Variants in RUBCNL observed in about 807,000 individuals in gnomAD.
The protein encoded by RUBCNL is protein associated with UVRAG as autophagy enhancer.
A neutral mutation model predicts 69.5 loss-of-function variants in RUBCNL; 62 were observed. The ratio of observed to expected loss-of-function variants is 0.89; its 90% CI spans 0.73 to 1.10. The LOEUF is 1.10. RUBCNL is among the 50% of genes least tolerant of loss of function. RUBCNL has a pLI of 0.00. For synonymous variants in RUBCNL, 291 were observed against 303.6 expected (o/e 0.96, Z 0.43); for missense variants, 768 against 798.1 (o/e 0.96, Z 0.45).
intron 3 of RUBCNL, among the ~76,000 whole-genome samples, chr13:46,369,993 A>T (rs1213181088): frequency 6.6e-6 from 1 of 152,242 alleles, no homozygotes; most frequent in African/African-American, 2.4e-5. Flanking sequence ...ATCTGTTTCA[A>T]CCACTCTCTT....
intron 3 of RUBCNL, 140 bp downstream of exon 3, chr13:46,371,801 C>A: frequency 1.2e-6 from 1 of 816,246 alleles, no homozygotes; most frequent in Non-Finnish European, 1.9e-6. Context: ...CTGTTGTGAC[C>A]GCCCAGATGG....
At chr13:46,380,606 G>A (rs540297389) in intron 1 of RUBCNL, among the ~76,000 whole-genome samples, 163 of 152,080 alleles carry the variant, frequency 1.1e-3, no homozygotes, top group African/African-American at 3.8e-3. Context: ...GACCTACATA[G>A]GTATATTTGA....
At chr13:46,346,465 C>T (rs1002090932) in intron 12 of RUBCNL, among the ~76,000 whole-genome samples, 3 of 152,170 alleles carry the variant, frequency 2.0e-5, no homozygotes, top group Non-Finnish European at 2.9e-5. Context: ...TCCCCCGACA[C>T]GTGTCTAACA....
At chr13:46,386,501 A>G (rs1402452154) in intron 1 of RUBCNL, among the ~76,000 whole-genome samples, 1 of 144,420 alleles carries the variant, frequency 6.9e-6, no homozygotes, top group Admixed American at 7.2e-5. Flanking sequence ...GACAGCATCA[A>G]GTTCGCAGGG....
At chr13:46,385,398 T>C (rs1425690328) in intron 1 of RUBCNL, 1 of 293,080 alleles carries the variant, frequency 3.4e-6, no homozygotes, top group Non-Finnish European at 5.1e-6. Flanking sequence ...TTATAGTCTC[T>C]GGAAGGCTGG....
Position 46,341,516 on chromosome 13 carries a change from G to C in RUBCNL, c.*1869C>G, listed in dbSNP as rs1428810020. ...TCTTCCTCAAAATAGAAAATCAAAA[G>C]CATCACTTCCTGGCAACTGCTGTGC... On this transcript the variant is annotated 3_prime_UTR_variant, in exon 15 of 15. Coordinates refer to ENST00000429979, the MANE Select transcript of RUBCNL (RefSeq NM_025113.5). Among the ~76,000 whole-genome samples, 1 of 152,132 alleles carries C rather than the reference G, an allele frequency of 6.6e-6. No individual in the cohort carries two copies. The highest frequency in any genetic ancestry group is 1.9e-4 in the East Asian group (1 of 5,196).
upstream of RUBCNL, chr13:46,387,671 A>C: frequency 7.1e-6 from 7 of 985,654 alleles, no homozygotes; most frequent in Non-Finnish European, 8.4e-6. Flanking sequence ...TCGACCTGCA[A>C]CTTACCCGGA....
chr13:46,388,292 A>C, upstream of RUBCNL, among the ~76,000 whole-genome samples: 1 of 119,594 alleles, frequency 8.4e-6, no homozygotes, highest in Non-Finnish European at 1.7e-5. Context: ...AACCCAAGGG[A>C]GGGAGGGAGG....
At position 46,340,839 on chromosome 13, in the gene RUBCNL, G is replaced by A. The variant is rs2048137102; in HGVS notation, c.*2546C>T. On this transcript the variant is annotated 3_prime_UTR_variant, in exon 15 of 15. Transcript: ENST00000429979. ...AGAACTCACTCATCACCACAAAGGTGCCACCAAGCTATTCTTGAGGGATCC... is the reference window on the plus strand; with the variant it reads ...AGAACTCACTCATCACCACAAAGGTACCACCAAGCTATTCTTGAGGGATCC... Among the ~76,000 whole-genome samples the A allele has an allele frequency of 6.6e-6, 1 of 152,156 alleles. No individual in the cohort carries two copies. The highest frequency in any genetic ancestry group is 6.6e-5 in the Admixed American group (1 of 15,266).
At chr13:46,353,933 G>A (rs1046457688) in intron 10 of RUBCNL, among the ~76,000 whole-genome samples, 1 of 152,146 alleles carries the variant, frequency 6.6e-6, no homozygotes, top group Non-Finnish European at 1.5e-5. Flanking sequence ...GTGGACTAGT[G>A]CTACCATACT....
intron 2 of RUBCNL, among the ~76,000 whole-genome samples, chr13:46,373,422 C>T (rs996940740): frequency 6.6e-6 from 1 of 152,160 alleles, no homozygotes; most frequent in Admixed American, 6.5e-5. Flanking sequence ...ATATCAGTAT[C>T]AATGTATTCT....
chr13:46,336,256 CCATCAT>C lies in RUBCNL; in HGVS notation c.*7123_*7128del, dbSNP rs1479113922. 6.6e-6 allele frequency among the ~76,000 whole-genome samples: 1 copy of C among 152,146 alleles called. No individual in the cohort carries two copies. The highest frequency in any genetic ancestry group is 2.4e-5 in the African/African-American group (1 of 41,426). On this transcript the variant is annotated 3_prime_UTR_variant, in exon 15 of 15. Coordinates refer to ENST00000429979, the MANE Select transcript of RUBCNL (RefSeq NM_025113.5). ...GAGCTTTGGGTACCAGGCAGCACCT[CCATCAT>C]CAGACTCTACGAAGATGGAGTTTCA...
At chr13:46,360,344 TAAATA>T (rs975050560) in intron 8 of RUBCNL, among the ~76,000 whole-genome samples, 30 of 152,164 alleles carry the variant, frequency 2.0e-4, no homozygotes, top group African/African-American at 2.2e-4. Context: ...TCTTAAAAAA[TAAATA>T]AAATAAAATA....
Position 46,368,726 on chromosome 13 carries a change from C to G in RUBCNL, c.618+7G>C. ...CTATGGTTAAAAAGAAAGAAGATAG[C>G]ATTCACCTTTTCTACATCAACAGGC... On this transcript the variant is annotated splice_region_variant and intron_variant, in intron 4 of 14. Transcript: ENST00000429979. 6.2e-7 allele frequency: 1 copy of G among 1,607,180 alleles called. No homozygotes were observed. Among genetic ancestry groups the G allele is most frequent in the African/African-American group, 1.3e-5 (1 of 74,826 alleles).
intron 14 of RUBCNL, among the ~76,000 whole-genome samples, chr13:46,344,333 T>TCTGGGTCTTTAC (rs2048196960): frequency 2.6e-5 from 4 of 152,168 alleles, no homozygotes; most frequent in African/African-American, 9.7e-5. Context: ...AAGAGCCAGA[T>TCTGGGTCTTTAC]AGCAAATGTT....
Position 46,342,644 on chromosome 13 carries a change from T to A in RUBCNL, c.*741A>T, listed in dbSNP as rs373134725. Reference sequence around the variant, plus strand: ...CAGTTTTACATCTGTTAAAGCAAGATCCTCAAGGGCAGGGATGGAATTCTA... The same window carrying A: ...CAGTTTTACATCTGTTAAAGCAAGAACCTCAAGGGCAGGGATGGAATTCTA... On this transcript the variant is annotated 3_prime_UTR_variant, in exon 15 of 15. Coordinates refer to ENST00000429979, the MANE Select transcript of RUBCNL (RefSeq NM_025113.5). 6.6e-6 allele frequency: 1 copy of A among 152,300 alleles called. No individual in the cohort carries two copies. The highest frequency in any genetic ancestry group is 2.4e-5 in the African/African-American group (1 of 41,550). 9.4% of individuals were successfully genotyped at this position (152,300 alleles called of 1,614,324 possible).
rs372520850 is a variant in RUBCNL at position 46,372,207 on chromosome 13, G to C, written c.269C>G (p.Pro90Arg). Residue 90 changes from proline to arginine, a missense_variant, in exon 3 of 15, where the codon CCT becomes CGT. Physicochemically the swap from Pro to Arg is moderately radical, Grantham distance 103. Coordinates refer to ENST00000429979, the MANE Select transcript of RUBCNL (RefSeq NM_025113.5). The part of the protein sequence containing the change: ...FVTDAASPSG[P>R]SPSCLGDSLA... ...GGAGTCCCCGAGGCACGAAGGTGAA[G>C]GGCCTGAGGGAGAGGCAGCATCTGT... The C allele has an allele frequency of 2.7e-5, 43 of 1,613,916 alleles. No homozygotes were observed. The highest frequency in any genetic ancestry group is 3.4e-5 in the Non-Finnish European group (40 of 1,179,896).
chr13:46,345,893 T>C (rs1430169031), intron 12 of RUBCNL, among the ~76,000 whole-genome samples: 1 of 152,148 alleles, frequency 6.6e-6, no homozygotes, highest in African/African-American at 2.4e-5. Context: ...AAAAGAAAAC[T>C]GAGCATTAGT....
chr13:46,355,567 G>A (rs2048466993), intron 10 of RUBCNL, among the ~76,000 whole-genome samples: 1 of 152,160 alleles, frequency 6.6e-6, no homozygotes, highest in Non-Finnish European at 1.5e-5. Flanking sequence ...CAAAGTGCTG[G>A]GATTACAGGT....
Sources: gnomAD v4.1 joint callset for allele counts (sites outside exome capture counted in the v4.1 genomes callset) on GRCh38, gnomAD v4.1.1 for gene constraint, MANE v1.5 for transcripts, NCBI Gene and HGNC (gene_info 2026-07-23, HGNC 2026-07-21) for gene names.